THAP5: variants seen among roughly 807,000 people sequenced by gnomAD.
THAP5 encodes the protein THAP domain containing 5, also known as THAP domain-containing protein 5.
Under a neutral mutation model 34.0 loss-of-function variants are expected in THAP5, and 26 were observed. The observed-to-expected ratio is 0.77, with a 90% CI of 0.56 to 1.06. The LOEUF is 1.06. Ranked by LOEUF, THAP5 falls within the 50% of genes least tolerant of loss-of-function variation. THAP5 has a pLI of 0.00. For synonymous variants in THAP5, 125 were observed against 153.0 expected (o/e 0.82, Z 1.35); for missense variants, 394 against 452.8 (o/e 0.87, Z 1.18).
chr7:108,556,480 C>T (rs865805381), intron 1 of THAP5, among the ~76,000 whole-genome samples: 5 of 152,236 alleles, frequency 3.3e-5, no homozygotes, highest in South Asian at 2.1e-4. Context: ...ATAAACTGGC[C>T]CAAACAAAAG....
chr7:108,551,996 G>C (rs1864356360), downstream of THAP5, among the ~76,000 whole-genome samples: 1 of 152,120 alleles, frequency 6.6e-6, no homozygotes, highest in African/African-American at 2.4e-5. Flanking sequence ...TCTTATGCCT[G>C]GAGGGTATAC....
chr7:108,558,395 A>G (rs1453961549), downstream of THAP5, among the ~76,000 whole-genome samples: 742 of 130,680 alleles, frequency 5.7e-3, 46 homozygotes, highest in African/African-American at 0.021. Flanking sequence ...ATATATATAT[A>G]TATATATATA....
chr7:108,561,716 G>GT (rs1864433305), downstream of THAP5, among the ~76,000 whole-genome samples: 1 of 152,286 alleles, frequency 6.6e-6, no homozygotes, highest in African/African-American at 2.4e-5. Flanking sequence ...GAAAAATACA[G>GT]TAACACTGCT....
downstream of THAP5, among the ~76,000 whole-genome samples, chr7:108,550,452 A>G (rs2154517797): frequency 7.1e-6 from 1 of 140,700 alleles, no homozygotes; most frequent in East Asian, 2.1e-4. Context: ...TATTTCTGTT[A>G]CTATTTTCTT....
chr7:108,569,602 G>T lies in THAP5; in HGVS notation c.-33C>A. The stretch of plus-strand genomic sequence containing the variant: ...GTGAGGCCCCTGGAGACCGGGGCCG[G>T]CGACGGATGCAGGGCGGCCCTCCTC... On this transcript the variant is annotated 5_prime_UTR_variant, in exon 1 of 3. Coordinates refer to ENST00000415914, the MANE Select transcript of THAP5 (RefSeq NM_001130475.3). The T allele has an allele frequency of 6.5e-7, 1 of 1,549,346 alleles. No homozygotes were observed.
Position 108,569,637 on chromosome 7 carries a change from G to A in THAP5, c.-68C>T, listed in dbSNP as rs916895069. ...CAGGGCGGCCCTCCTCACTGAGGAT[G>A]CGCCACAGGTCCAGGCCTCTCGAGC... On this transcript the variant is annotated 5_prime_UTR_variant, in exon 1 of 3. Coordinates refer to ENST00000415914, the MANE Select transcript of THAP5 (RefSeq NM_001130475.3). 2.9e-5 allele frequency: 44 copies of A among 1,535,144 alleles called. No individual in the cohort carries two copies. Among genetic ancestry groups the A allele is most frequent in the Non-Finnish European group, 3.8e-5 (43 of 1,138,786 alleles).
In THAP5 at chr7:108,562,597, C is replaced by G. The variant is rs1298788024; in HGVS notation, c.*1594G>C. The G allele has an allele frequency of 3.9e-5, 6 of 152,174 alleles. No individual in the cohort carries two copies. Among genetic ancestry groups the G allele is most frequent in the Admixed American group, 3.9e-4 (6 of 15,276 alleles). The allele number at this position is 152,174 out of a possible 1,614,324, so 9.4% of individuals were successfully genotyped here. On this transcript the variant is annotated 3_prime_UTR_variant, in exon 3 of 3. Transcript: ENST00000415914. ...ACATGTTTGTTCCTTACAAAATTCT[C>G]AAAGCCACTCTTTAAGGTAAGTAAT... is the stretch of plus-strand genomic sequence containing the variant.
chr7:108,543,477 A>T, the THAP5 span, among the ~76,000 whole-genome samples: 1 of 152,232 alleles, frequency 6.6e-6, no homozygotes, highest in Non-Finnish European at 1.5e-5. Flanking sequence ...GGAGTAAGGC[A>T]TGCTTAGCCA....
chr7:108,568,143 G>C (rs10258344), intron 1 of THAP5: 33,883 of 152,182 alleles, frequency 0.22, 4,591 homozygotes, highest in East Asian at 0.52. Flanking sequence ...GCATCTTGAG[G>C]CTGGGCTTCA....
In THAP5 at chr7:108,565,832, G is replaced by T. The variant is rs1211701868; in HGVS notation, c.271C>A (p.Gln91Lys). Residue 91 changes from glutamine (Q) to lysine (K), a missense_variant and splice_region_variant, in exon 2 of 3, where the codon CAG (glutamine) becomes AAG (lysine). By Grantham distance (53) the Gln-to-Lys change is moderately conservative. Transcript: ENST00000415914. ...ACCCCTCTCCCATACTGCAATACCT[G>T]ATTGTCTTCAGGCAAAGAAAATATT... ...PTIFSLPEDN[Q>K]GKDPSKKKSQ... The T allele has an allele frequency of 1.3e-6, 2 of 1,542,630 alleles. No homozygotes were observed. The highest frequency in any genetic ancestry group is 1.2e-5 in the South Asian group (1 of 82,600).
chr7:108,553,211 A>G (rs1408368104), downstream of THAP5, among the ~76,000 whole-genome samples: 2 of 151,886 alleles, frequency 1.3e-5, no homozygotes, highest in South Asian at 4.2e-4. Flanking sequence ...TGCTCTCTTA[A>G]ATTTTTTTTT....
chr7:108,557,941 G>C (rs1395604259), downstream of THAP5, among the ~76,000 whole-genome samples: 1 of 152,152 alleles, frequency 6.6e-6, no homozygotes, highest in Admixed American at 6.5e-5. Flanking sequence ...AAGCATAGTT[G>C]GGAAGGCCTC....
intron 1 of THAP5, chr7:108,554,885 G>T (rs1435276069): frequency 3.3e-5 from 5 of 152,126 alleles, no homozygotes; most frequent in Admixed American, 3.3e-4. Context: ...GAAATAGAGA[G>T]ATTTTAAAAA....
At position 108,564,578 on chromosome 7, in the gene THAP5, ATTTGTG is replaced by A. The variant is rs1408350262; in HGVS notation, c.795_800del (p.Thr266_Asn267del). On this transcript the variant is annotated inframe_deletion, in exon 3 of 3. Transcript: ENST00000415914. ...CAAAAATGGCAATAACAGATTCTTT[ATTTGTG>A]TTTAATTCTTCAACTGTTTGATTAA... 6.8e-6 allele frequency: 11 copies of A among 1,613,730 alleles called. No individual in the cohort carries two copies. Among genetic ancestry groups the A allele is most frequent in the Non-Finnish European group, 9.3e-6 (11 of 1,179,880 alleles).
chr7:108,557,405 A>G (rs1349725866), downstream of THAP5, among the ~76,000 whole-genome samples: 3 of 152,186 alleles, frequency 2.0e-5, no homozygotes, highest in African/African-American at 7.2e-5. Context: ...CATGCATATA[A>G]GTATATGCTG....
downstream of THAP5, among the ~76,000 whole-genome samples, chr7:108,560,732 C>G (rs533394587): frequency 1.3e-5 from 2 of 152,246 alleles, no homozygotes; most frequent in East Asian, 3.9e-4. Context: ...CTATGGGGCA[C>G]AACTGTACTG....
chr7:108,560,719 T>G (rs955177066), downstream of THAP5, among the ~76,000 whole-genome samples: 2 of 152,104 alleles, frequency 1.3e-5, no homozygotes, highest in Non-Finnish European at 2.9e-5. Flanking sequence ...CCAGAACCAA[T>G]TACTATGGGG....
the THAP5 span, among the ~76,000 whole-genome samples, chr7:108,544,553 CAAA>C: frequency 1.5e-3 from 232 of 150,592 alleles, 3 homozygotes; most frequent in Non-Finnish European, 2.7e-3. Flanking sequence ...AAAACAAAAA[CAAA>C]GAAGGTCATT....
the THAP5 span, among the ~76,000 whole-genome samples, chr7:108,547,083 T>C: frequency 6.6e-6 from 1 of 152,230 alleles, no homozygotes; most frequent in African/African-American, 2.4e-5. Flanking sequence ...GAGCATATTA[T>C]TTAATGTTCC....
Sources: gnomAD v4.1 joint callset for allele counts (sites outside exome capture counted in the v4.1 genomes callset) on GRCh38, gnomAD v4.1.1 for gene constraint, MANE v1.5 for transcripts, NCBI Gene and HGNC (gene_info 2026-07-23, HGNC 2026-07-21) for gene names.